Variants in GRIPAP1 observed in about 807,000 individuals in gnomAD.
The protein encoded by GRIPAP1 is GRIP1-associated protein 1.
Under a neutral mutation model 84.1 loss-of-function variants are expected in GRIPAP1, and 14 were observed. That is an observed-to-expected ratio of 0.17 (90% CI 0.11 to 0.26). The LOEUF is 0.26. Ranked by LOEUF, GRIPAP1 falls within the 10% of genes least tolerant of loss-of-function variation. The probability of loss-of-function intolerance (pLI) is 1.00; values close to 1 mark genes in which losing one functional copy is unlikely to be tolerated. For missense variants in GRIPAP1, 518 were observed against 674.2 expected (o/e 0.77, Z 2.57); for synonymous variants, 261 against 256.8 (o/e 1.02, Z -0.15).
chrX:48,976,143 T>G (rs1557060401), intron 23 of GRIPAP1, 32 bp from the exon 24 acceptor site: 6 of 1,205,409 alleles, frequency 5.0e-6, no homozygotes, highest in Admixed American at 4.4e-5. Flanking sequence ...CTGAGACCCC[T>G]CTACTGTACA....
chrX:48,997,801 C>G, intron 4 of GRIPAP1: 1 of 298,314 alleles, frequency 3.4e-6, no homozygotes. Context: ...GTGGAAGAAA[C>G]AAGGAGTTAG....
intron 5 of GRIPAP1, among the ~76,000 whole-genome samples, chrX:48,994,074 A>G (rs781834062): frequency 2.7e-3 from 296 of 111,166 alleles, no homozygotes; most frequent in African/African-American, 9.3e-3. Flanking sequence ...TACAATGCCA[A>G]TACAACTAAG....
Position 48,981,855 on chromosome X carries a change from C to A in GRIPAP1, c.1617G>T (p.Gln539His). The stretch of plus-strand genomic sequence containing the variant: ...TGAGGGCTTCCTCTTGTTCCTGCTG[C>A]TGCTGCTGCAGGGATTCCTACAAGA... The part of the protein sequence containing the change: ...LKEAEESLQQ[Q>H]QQEQEEALKQ... The change falls in exon 18 of 26, where the codon CAG becomes CAT. Residue 539 changes from glutamine (Q) to histidine (H), a missense_variant. Physicochemically the swap from Gln to His is conservative, Grantham distance 24 (BLOSUM62 0). Around this residue, in one of 5 missense-constraint regions of GRIPAP1, gnomAD observed 372 missense variants for 458.1 expected, o/e 0.81. Transcript: ENST00000376423. 8.6e-7 allele frequency: 1 copy of A among 1,163,776 alleles called. No homozygotes were observed.
intron 21 of GRIPAP1, among the ~76,000 whole-genome samples, chrX:48,979,436 C>CACT (rs2064441829): frequency 1.4e-5 from 1 of 71,419 alleles, no homozygotes; most frequent in Admixed American, 2.0e-4. Context: ...GAGATCGCGC[C>CACT]ACTGCACTCC....
At position 48,973,769 on chromosome X, in the gene GRIPAP1, T is replaced by TAC. The variant is rs782664835; in HGVS notation, c.*422_*423dup. 955 of 112,140 alleles carry TAC rather than the reference T, an allele frequency of 8.5e-3. 6 individuals carry two copies. The highest frequency in any genetic ancestry group is 0.017 in the African/African-American group (527 of 30,383). The allele number at this position is 112,140 out of a possible 1,213,427, so 9.2% of individuals were successfully genotyped here. ...GATGGTATTTTGGCTGCATAGCCTT[T>TAC]ACACACACACACACACACGTGTTGC... On this transcript the variant is annotated 3_prime_UTR_variant, in exon 26 of 26. Transcript: ENST00000376423.
intron 4 of GRIPAP1, 86 bp from the exon 5 acceptor site, chrX:48,997,443 G>T (rs2064553575): frequency 8.9e-6 from 5 of 558,782 alleles, no homozygotes; most frequent in Admixed American, 8.1e-5. Flanking sequence ...GGGAGAAAAT[G>T]ACATGGGTGG....
intron 3 of GRIPAP1, among the ~76,000 whole-genome samples, chrX:48,998,682 G>A (rs1367385682): frequency 8.9e-6 from 1 of 112,494 alleles, no homozygotes; most frequent in African/African-American, 3.2e-5. Context: ...CGGATTTTCT[G>A]CATACTGTAT....
intron 5 of GRIPAP1, among the ~76,000 whole-genome samples, chrX:48,994,219 C>CTTTTTT (rs200273142): frequency 6.3e-5 from 6 of 95,155 alleles, no homozygotes; most frequent in African/African-American, 2.2e-4. Context: ...TATTTTCTTT[C>CTTTTTT]TTTTTTTTTT....
chrX:48,986,519 G>A (rs2064488744), intron 13 of GRIPAP1, among the ~76,000 whole-genome samples: 1 of 110,397 alleles, frequency 9.1e-6, no homozygotes, highest in Non-Finnish European at 1.9e-5. Context: ...AGCCTCCCGA[G>A]TAGCTGGGAT....
chrX:48,975,353 A>G, intron 24 of GRIPAP1, 44 bp from the exon 25 acceptor site: 1 of 1,156,557 alleles, frequency 8.6e-7, no homozygotes, highest in Non-Finnish European at 1.2e-6. Flanking sequence ...GCAGAGCCAG[A>G]GGAGAGCCAG....
chrX:48,979,838 C>T (rs1487194088), intron 21 of GRIPAP1, among the ~76,000 whole-genome samples: 3 of 110,306 alleles, frequency 2.7e-5, no homozygotes, highest in Non-Finnish European at 5.7e-5. Flanking sequence ...GGTCTTGAAC[C>T]CCTGACCTCA....
intron 3 of GRIPAP1, chrX:48,998,975 T>G: frequency 2.9e-6 from 1 of 348,482 alleles, no homozygotes; most frequent in Non-Finnish European, 4.9e-6. Context: ...TTTGAATATT[T>G]AATTAAAAGT....
chrX:48,999,162 A>C, intron 3 of GRIPAP1, 76 bp downstream of exon 3: 1 of 713,919 alleles, frequency 1.4e-6, no homozygotes, highest in Non-Finnish European at 2.2e-6. Context: ...GTAGGTGCTC[A>C]CTGGAGGGAT....
chrX:49,000,472 C>G (rs1557068254), intron 1 of GRIPAP1: 1 of 105,265 alleles, frequency 9.5e-6, no homozygotes, highest in Admixed American at 1.0e-4. Flanking sequence ...GGGCAGATCA[C>G]TTGAGGTCAG....
intron 22 of GRIPAP1, chrX:48,977,377 T>G (rs190334699): frequency 1.8e-5 from 2 of 111,341 alleles, no homozygotes; most frequent in African/African-American, 6.5e-5. Flanking sequence ...CAGGCTGGAG[T>G]GCAGTGGTGT....
At chrX:48,984,763 C>T (rs2064477673) in intron 14 of GRIPAP1, among the ~76,000 whole-genome samples, 1 of 104,504 alleles carries the variant, frequency 9.6e-6, no homozygotes, top group Admixed American at 1.0e-4. Flanking sequence ...TGGCTCACGC[C>T]TGTAATACCA....
Position 48,983,861 on chromosome X carries a change from G to A in GRIPAP1, c.1186C>T (p.Arg396Trp), listed in dbSNP as rs782671944. The A allele has an allele frequency of 2.6e-5, 30 of 1,148,839 alleles. No individual in the cohort carries two copies. The highest frequency in any genetic ancestry group is 3.6e-5 in the South Asian group (2 of 55,490). 94.7% of individuals were successfully genotyped at this position (1,148,839 alleles called of 1,213,427 possible). A position where few individuals can be genotyped will look rare whatever the true frequency, so the allele number is the denominator to read the frequency against. The change falls in exon 15 of 26, where the codon CGG (arginine) becomes TGG (tryptophan). Residue 396 changes from arginine (R) to tryptophan (W), a missense_variant. By Grantham distance (101) the Arg-to-Trp change is moderately radical (BLOSUM62 -3). Transcript: ENST00000376423. The stretch of plus-strand genomic sequence containing the variant: ...TGTTCCAGCAGTCGACTATTGGCCC[G>A]TAATGACTCCTAATGCAGACACCAA... ...DLNSQLQESL[R>W]ANSRLLEQLQ...
chrX:48,985,857 G>A lies in GRIPAP1; in HGVS notation c.1042-455C>T, dbSNP rs781917760. On this transcript the variant is annotated intron_variant, in intron 13 of 25. Coordinates refer to ENST00000376423, the MANE Select transcript of GRIPAP1 (RefSeq NM_020137.5). ...GGCTATGGTGGCGGGGAGAGAGAGA[G>A]AAAAAAAAGAGAGAGACGAAGAGAG... is the stretch of plus-strand genomic sequence containing the variant. 3.3e-4 allele frequency among the ~76,000 whole-genome samples: 36 copies of A among 109,289 alleles called. No homozygotes were observed. The East Asian group carries it at 7.7e-3, about 23-fold the overall frequency. The allele number at this position is 109,289 out of a possible 115,157, so 94.9% of individuals were successfully genotyped here. A position where few individuals can be genotyped will look rare whatever the true frequency, so the allele number is the denominator to read the frequency against.
rs144855492 is a variant in GRIPAP1 at position 48,976,019 on chromosome X, G to T, written c.2277C>A (p.Ile759=). 2 of 1,207,410 alleles carry T rather than the reference G, an allele frequency of 1.7e-6. No homozygotes were observed. Among genetic ancestry groups the T allele is most frequent in the Non-Finnish European group, 2.2e-6 (2 of 891,678 alleles). The change falls in exon 24 of 26, where the codon ATC becomes ATA. Residue 759 remains isoleucine, a splice_region_variant and synonymous_variant. Transcript: ENST00000376423. ...IIETYVMDSR[I]DVSVAAGHTD... is the part of the protein sequence containing the mutation. Reference sequence around the variant, plus strand: ...GAGGGCCGGGGAGGGGACACTGACCGATCCGGCTGTCCATGACGTAGGTCT... The same window carrying T: ...GAGGGCCGGGGAGGGGACACTGACCTATCCGGCTGTCCATGACGTAGGTCT...
Sources: allele counts gnomAD v4.1 joint callset (sites outside exome capture counted in the v4.1 genomes callset), GRCh38; gene constraint gnomAD v4.1.1; regional missense constraint gnomAD v4.1.1; transcripts MANE v1.5; gene names NCBI Gene and HGNC (gene_info 2026-07-23, HGNC 2026-07-21).